Variants in ADAM9 observed in about 807,000 individuals in gnomAD.
ADAM9 encodes the protein disintegrin and metalloproteinase domain-containing protein 9.
A neutral mutation model predicts 108.1 loss-of-function variants in ADAM9; 54 were observed. That is an observed-to-expected ratio of 0.50 (90% CI 0.40 to 0.63). ADAM9 has a LOEUF of 0.63. Among genes scored for constraint, ADAM9 ranks in the 20% least tolerant of loss-of-function variants. ADAM9 has a pLI of 0.00. For synonymous variants in ADAM9, 316 were observed against 336.0 expected (o/e 0.94, Z 0.65); for missense variants, 830 against 997.7 (o/e 0.83, Z 2.26).
chr8:39,028,517 T>A (rs571193250), intron 11 of ADAM9, among the ~76,000 whole-genome samples: 103 of 152,232 alleles, frequency 6.8e-4, no homozygotes, highest in African/African-American at 2.4e-3. Context: ...AGCAATGAGA[T>A]AAGTCATAGA....
chr8:39,041,021 G>C lies in ADAM9; in HGVS notation c.1131-925G>C, dbSNP rs78974925. Among the ~76,000 whole-genome samples, 926 of 152,230 alleles carry C rather than the reference G, an allele frequency of 6.1e-3. 10 individuals carry two copies. The highest frequency in any genetic ancestry group is 0.021 in the African/African-American group (892 of 41,540). On this transcript the variant is annotated intron_variant, in intron 11 of 21. Transcript: ENST00000487273. ...TCTAAGAAGAAAACGTTGAGGAAAAGCTCCTTGACATTGGCCTTAACAATG... is the reference window on the plus strand; with the variant it reads ...TCTAAGAAGAAAACGTTGAGGAAAACCTCCTTGACATTGGCCTTAACAATG...
chr8:39,097,999 T>A (rs1249547260), intron 20 of ADAM9, among the ~76,000 whole-genome samples: 2 of 152,242 alleles, frequency 1.3e-5, no homozygotes, highest in Non-Finnish European at 2.9e-5. Flanking sequence ...CTCAGCTTAT[T>A]TTTCTGATAT....
rs1323806372 is a variant in ADAM9, at chr8:39,101,893, A to T, written c.2329A>T (p.Thr777Ser). ...ATATGCAAACAGATTTGCAGTACCA[A>T]CCTATGCAGCCAAGCAACCTCAGCA... ...PIYANRFAVP[T>S]YAAKQPQQFP... is the part of the protein sequence containing the mutation. Residue 777 changes from threonine (T) to serine (S), a missense_variant, in exon 21 of 22, where the codon ACC (threonine) becomes TCC (serine). Thr to Ser is a moderately conservative substitution (Grantham distance 58). Transcript: ENST00000487273. 9 of 1,613,956 alleles carry T rather than the reference A, an allele frequency of 5.6e-6. No homozygotes were observed. Among genetic ancestry groups the T allele is most frequent in the Non-Finnish European group, 7.6e-6 (9 of 1,179,908 alleles).
At chr8:39,039,764 C>T (rs1282631825) in intron 11 of ADAM9, among the ~76,000 whole-genome samples, 1 of 152,170 alleles carries the variant, frequency 6.6e-6, no homozygotes, top group Non-Finnish European at 1.5e-5. Flanking sequence ...CTTATATGTG[C>T]CACAGTTTTG....
chr8:39,071,238 A>T (rs1838677754), intron 14 of ADAM9, 60 bp from the exon 15 acceptor site: 2 of 1,526,018 alleles, frequency 1.3e-6, no homozygotes, highest in Admixed American at 3.4e-5. Context: ...GAATACTTTT[A>T]TTTCAAAAGC....
intron 16 of ADAM9, among the ~76,000 whole-genome samples, chr8:39,077,658 A>T: frequency 6.6e-6 from 1 of 151,982 alleles, no homozygotes; most frequent in East Asian, 1.9e-4. Context: ...TCCCCTACTG[A>T]TATGCTACAA....
intron 18 of ADAM9, among the ~76,000 whole-genome samples, chr8:39,085,133 CTG>C (rs1839146288): frequency 6.6e-6 from 1 of 152,072 alleles, no homozygotes; most frequent in South Asian, 2.1e-4. Context: ...CTGCCATTCT[CTG>C]TCTTTCAATT....
chr8:39,016,596 A>G (rs974307791), intron 5 of ADAM9, among the ~76,000 whole-genome samples: 1 of 152,252 alleles, frequency 6.6e-6, no homozygotes, highest in Non-Finnish European at 1.5e-5. Flanking sequence ...CAGATAAATT[A>G]TATTACAATT....
intron 14 of ADAM9, among the ~76,000 whole-genome samples, chr8:39,070,948 T>C (rs752498108): frequency 5.3e-5 from 8 of 152,114 alleles, no homozygotes; most frequent in Non-Finnish European, 1.0e-4. Context: ...AGTGGTGCAG[T>C]TGGTTTATAT....
At chr8:39,064,794 T>C (rs1281077355) in intron 14 of ADAM9, among the ~76,000 whole-genome samples, 2 of 152,222 alleles carry the variant, frequency 1.3e-5, no homozygotes, top group African/African-American at 4.8e-5. Flanking sequence ...GAAAATGGTT[T>C]TATTTGGACT....
intron 1 of ADAM9, among the ~76,000 whole-genome samples, chr8:38,997,597 G>T (rs1002388535): frequency 6.6e-6 from 1 of 152,198 alleles, no homozygotes; most frequent in Non-Finnish European, 1.5e-5. Context: ...AGTTAATGTC[G>T]CTTGGAAAGA....
intron 1 of ADAM9, among the ~76,000 whole-genome samples, chr8:39,001,752 C>G (rs951483837): frequency 4.0e-5 from 6 of 151,892 alleles, no homozygotes; most frequent in Non-Finnish European, 5.9e-5. Context: ...ACTGCAACCT[C>G]TGCCTCCCAG....
chr8:39,098,218 T>C (rs919911419), intron 20 of ADAM9, among the ~76,000 whole-genome samples: 5 of 152,224 alleles, frequency 3.3e-5, no homozygotes, highest in African/African-American at 1.2e-4. Context: ...ATCTTTTCCA[T>C]GTGGCTTTTT....
chr8:39,097,161 G>C (rs567469855), intron 20 of ADAM9, among the ~76,000 whole-genome samples: 6 of 152,238 alleles, frequency 3.9e-5, no homozygotes, highest in African/African-American at 1.4e-4. Context: ...ACGCTACTCA[G>C]CCTGGCTAGA....
chr8:39,045,395 C>CATACACCTATATGTGCGTGTGTGT, intron 12 of ADAM9, among the ~76,000 whole-genome samples: 1 of 109,262 alleles, frequency 9.2e-6, no homozygotes, highest in Admixed American at 8.6e-5. Context: ...GGTGTGTGTA[C>CATACACCTATATGTGCGTGTGTGT]ACACACCTAT....
rs192994578 is a variant in ADAM9, at chr8:39,074,530, G to A, written c.1698-2698G>A. Among the ~76,000 whole-genome samples the A allele has an allele frequency of 8.4e-4, 127 of 151,742 alleles. 1 individual carries two copies. The highest frequency in any genetic ancestry group is 2.9e-3 in the African/African-American group (120 of 41,354). ...TTTACTCCTAAATTCCTCAGCATCC[G>A]TCTTCAACAAATAAGGCCATTCACA... On this transcript the variant is annotated intron_variant, in intron 15 of 21. Transcript: ENST00000487273.
At chr8:39,088,777 C>G (rs10096361) in intron 18 of ADAM9, among the ~76,000 whole-genome samples, 2 of 151,820 alleles carry the variant, frequency 1.3e-5, no homozygotes, top group Non-Finnish European at 2.9e-5. Flanking sequence ...TAAACTTTTC[C>G]GTGGAGAAAA....
intron 3 of ADAM9, among the ~76,000 whole-genome samples, chr8:39,012,146 C>A (rs2129432523): frequency 6.6e-6 from 1 of 152,322 alleles, no homozygotes; most frequent in Non-Finnish European, 1.5e-5. Flanking sequence ...GCATGACCCC[C>A]AGAGTCCTTT....
At chr8:39,030,794 A>G (rs1017945694) in intron 11 of ADAM9, among the ~76,000 whole-genome samples, 2 of 152,214 alleles carry the variant, frequency 1.3e-5, no homozygotes, top group Admixed American at 6.5e-5. Flanking sequence ...GGCCATTCCT[A>G]TAGGCATGTA....
Sources: allele counts gnomAD v4.1 joint callset (sites outside exome capture counted in the v4.1 genomes callset), GRCh38; gene constraint gnomAD v4.1.1; transcripts MANE v1.5; gene names NCBI Gene and HGNC (gene_info 2026-07-23, HGNC 2026-07-21).